TMBIM6: variants seen among roughly 807,000 people sequenced by gnomAD.
The protein encoded by TMBIM6 is transmembrane BAX inhibitor motif containing 6, also known as bax inhibitor 1.
Under a neutral mutation model 31.4 loss-of-function variants are expected in TMBIM6, and 13 were observed. The observed-to-expected ratio is 0.41, with a 90% CI of 0.27 to 0.66. The LOEUF (loss-of-function observed/expected upper bound fraction) is 0.66, where lower values mean the gene tolerates loss of function less well. TMBIM6 is among the 30% of genes least tolerant of loss of function. The pLI is 0.28. For synonymous variants in TMBIM6, 85 were observed against 101.7 expected (o/e 0.84, Z 0.99); for missense variants, 275 against 289.5 (o/e 0.95, Z 0.36).
chr12:49,751,757 A>G (rs1201923293), intron 1 of TMBIM6, among the ~76,000 whole-genome samples: 2 of 131,642 alleles, frequency 1.5e-5, no homozygotes, highest in African/African-American at 6.6e-5. Context: ...CTAGTGAGAT[A>G]ATTTTTTTTT....
chr12:49,748,046 G>C (rs1479667421), intron 1 of TMBIM6, among the ~76,000 whole-genome samples: 4 of 152,126 alleles, frequency 2.6e-5, no homozygotes, highest in Non-Finnish European at 5.9e-5. Context: ...TGGGACTATA[G>C]GTGCCCGCCA....
At chr12:49,752,608 C>G in intron 2 of TMBIM6, 59 bp downstream of exon 2, 2 of 1,380,312 alleles carry the variant, frequency 1.4e-6, no homozygotes, top group Non-Finnish European at 2.1e-6. Context: ...CTCTTTGTCC[C>G]TTTTCTGCAT....
intron 1 of TMBIM6, chr12:49,744,343 C>T (rs1288434170): frequency 2.0e-5 from 3 of 151,814 alleles, no homozygotes; most frequent in African/African-American, 7.3e-5. Flanking sequence ...GATTTTTTTT[C>T]CTTTACTACT....
chr12:49,755,149 G>T (rs1945565167), intron 3 of TMBIM6, among the ~76,000 whole-genome samples: 2 of 151,922 alleles, frequency 1.3e-5, no homozygotes, highest in South Asian at 2.1e-4. Flanking sequence ...TAGAGACGGG[G>T]TTTCTCCATG....
intron 1 of TMBIM6, chr12:49,743,688 G>A (rs910975046): frequency 6.6e-6 from 1 of 152,140 alleles, no homozygotes; most frequent in Non-Finnish European, 1.5e-5. Flanking sequence ...GTATGTTTTG[G>A]GAGGGTTTTT....
rs1360658192 is a variant in TMBIM6, at chr12:49,761,684, A to G, written c.615-20A>G. On this transcript the variant is annotated intron_variant, in intron 8 of 9. Coordinates refer to ENST00000267115, the MANE Select transcript of TMBIM6 (RefSeq NM_003217.3). ...AAAAAAGTCTGAAGTACAGATCCTA[A>G]TCTGGTTCTTGCCTTTCAGGCACTG... is the stretch of plus-strand genomic sequence containing the variant. 1 of 1,613,318 alleles carries G rather than the reference A, an allele frequency of 6.2e-7. No homozygotes were observed. The highest frequency in any genetic ancestry group is 8.5e-7 in the Non-Finnish European group (1 of 1,179,348).
chr12:49,745,693 CCA>C (rs1945377862), intron 1 of TMBIM6, among the ~76,000 whole-genome samples: 1 of 146,402 alleles, frequency 6.8e-6, no homozygotes, highest in Non-Finnish European at 1.5e-5. Context: ...CCACTGCACT[CCA>C]GCCTGGGCAA....
At chr12:49,744,004 T>G (rs1433683611) in intron 1 of TMBIM6, among the ~76,000 whole-genome samples, 1 of 152,174 alleles carries the variant, frequency 6.6e-6, no homozygotes, top group Non-Finnish European at 1.5e-5. Context: ...GGTAAAATGA[T>G]TTTTCCTAGG....
At chr12:49,759,090 C>A in intron 7 of TMBIM6, 131 bp from the exon 8 acceptor site, 1 of 772,764 alleles carries the variant, frequency 1.3e-6, no homozygotes, top group Non-Finnish European at 2.2e-6. Flanking sequence ...GGCTGCAGTT[C>A]TCGTGAATGG....
At chr12:49,747,859 C>G (rs1395848714) in intron 1 of TMBIM6, among the ~76,000 whole-genome samples, 1 of 152,002 alleles carries the variant, frequency 6.6e-6, no homozygotes, top group East Asian at 1.9e-4. Flanking sequence ...ACTGTAGCTC[C>G]TAGGTGTGTG....
At chr12:49,761,874 G>T (rs1298421087) in intron 9 of TMBIM6, 95 bp downstream of exon 9, 2 of 1,207,364 alleles carry the variant, frequency 1.7e-6, no homozygotes, top group East Asian at 4.8e-5. Flanking sequence ...CACACACTGT[G>T]TTAGGTCCAG....
chr12:49,759,584 C>A (rs1034293770), intron 8 of TMBIM6, among the ~76,000 whole-genome samples: 1 of 152,012 alleles, frequency 6.6e-6, no homozygotes, highest in Non-Finnish European at 1.5e-5. Context: ...GCCACTGGAT[C>A]GCTTGAGCTC....
rs373371004 is a variant in TMBIM6, at chr12:49,761,799, A to G, written c.690+20A>G. On this transcript the variant is annotated intron_variant, in intron 9 of 9. Coordinates refer to ENST00000267115, the MANE Select transcript of TMBIM6 (RefSeq NM_003217.3). ...GAAAAGGTTAGTTAGCCTACAACCC[A>G]AAGATGAGACAATAATGGCTCCTGA... The G allele has an allele frequency of 1.2e-6, 2 of 1,612,336 alleles. No homozygotes were observed. The highest frequency in any genetic ancestry group is 2.7e-5 in the African/African-American group (2 of 74,906).
intron 7 of TMBIM6, 56 bp downstream of exon 7, chr12:49,758,818 C>CTTT (rs57007895): frequency 0.022 from 25,314 of 1,151,410 alleles, 692 homozygotes; most frequent in African/African-American, 0.15. Context: ...TCTTTCTTTC[C>CTTT]TTTTTTTTTT....
chr12:49,746,496 TA>T (rs1385508099), intron 1 of TMBIM6, among the ~76,000 whole-genome samples: 1 of 152,228 alleles, frequency 6.6e-6, no homozygotes, highest in African/African-American at 2.4e-5. Flanking sequence ...TACAAAGAGC[TA>T]TTTTAAGAAC....
chr12:49,758,276 G>T lies in TMBIM6; in HGVS notation c.335+1G>T. On this transcript the variant is annotated splice_donor_variant, in intron 5 of 9. Coordinates refer to ENST00000267115, the MANE Select transcript of TMBIM6 (RefSeq NM_003217.3). LOFTEE classifies it high-confidence loss of function. ...AGTTTTGTATTGCTGTCAACCCCAG[G>T]TAACTCTTTTGGTAGTGTCTTATGT... The T allele has an allele frequency of 6.2e-7, 1 of 1,614,156 alleles. No homozygotes were observed.
chr12:49,758,052 G>A (rs1945638882), intron 4 of TMBIM6, among the ~76,000 whole-genome samples, 175 bp from the exon 5 acceptor site: 1 of 151,576 alleles, frequency 6.6e-6, no homozygotes, highest in Admixed American at 6.6e-5. Context: ...AAAAAACAAC[G>A]CAGTCAGGTA....
In TMBIM6 at chr12:49,752,529, G is replaced by A. The variant is rs142729233; in HGVS notation, c.36G>A (p.Ala12=). The change falls in exon 2 of 10, where the codon GCG becomes GCA. Residue 12 remains alanine (A), a synonymous_variant. Transcript: ENST00000267115. ...NIFDRKINFD[A]LLKFSHITPS... Reference sequence around the variant, plus strand: ...TTGATCGAAAGATCAACTTTGATGCGCTTTTAAAATTTTCTCATATGTAAG... The same window carrying A: ...TTGATCGAAAGATCAACTTTGATGCACTTTTAAAATTTTCTCATATGTAAG... 163 of 1,613,488 alleles carry A rather than the reference G, an allele frequency of 1.0e-4. No homozygotes were observed. The African/African-American group carries it at 1.8e-3, about 18-fold the overall frequency.
intron 1 of TMBIM6, chr12:49,750,002 TTTAG>T (rs758492864): frequency 1.6e-4 from 24 of 152,254 alleles, no homozygotes; most frequent in Non-Finnish European, 3.1e-4. Context: ...AAACAGAAGT[TTTAG>T]TTATTTTTTA....
Sources: gnomAD v4.1 joint callset for allele counts (sites outside exome capture counted in the v4.1 genomes callset) on GRCh38, gnomAD v4.1.1 for gene constraint, MANE v1.5 for transcripts, NCBI Gene and HGNC (gene_info 2026-07-23, HGNC 2026-07-21) for gene names.